SYNE2: variants seen among roughly 807,000 people sequenced by gnomAD.
SYNE2 encodes spectrin repeat containing nuclear envelope protein 2, also known as nesprin-2.
A neutral mutation model predicts 856.3 loss-of-function variants in SYNE2; 431 were observed. The ratio of observed to expected loss-of-function variants is 0.50; its 90% CI spans 0.47 to 0.55. The LOEUF is 0.55. SYNE2 is among the 20% of genes least tolerant of loss of function. The pLI is 0.00. For missense variants in SYNE2, 8,129 were observed against 8,023.2 expected (o/e 1.01, Z -0.50); for synonymous variants, 2,923 against 2,872.3 (o/e 1.02, Z -0.56).
chr14:64,053,642 C>T lies in SYNE2; in HGVS notation c.9729C>T (p.Ser3243=). 6.2e-7 allele frequency: 1 copy of T among 1,613,464 alleles called. No homozygotes were observed. Among genetic ancestry groups the T allele is most frequent in the Non-Finnish European group, 8.5e-7 (1 of 1,179,594 alleles). Reference sequence around the variant, plus strand: ...ATCTTCAGATGCAGCTTAACACAAGCATTGATTTGCGCACAGTAAGTTTTA... The same window carrying T: ...ATCTTCAGATGCAGCTTAACACAAGTATTGATTTGCGCACAGTAAGTTTTA... The part of the protein sequence containing the change: ...FEDLQMQLNT[S]IDLRTNVLND... Residue 3243 remains serine, a synonymous_variant, in exon 48 of 116, where the codon AGC becomes AGT. Transcript: ENST00000555002.
chr14:63,858,423 ATT>A (rs984256364), intron 1 of SYNE2, among the ~76,000 whole-genome samples: 1 of 142,166 alleles, frequency 7.0e-6, no homozygotes, highest in Admixed American at 7.1e-5. Flanking sequence ...CACCCAGCCT[ATT>A]TTTTTTTTTG....
chr14:64,031,654 G>A (rs1594987803), intron 45 of SYNE2, among the ~76,000 whole-genome samples: 1 of 152,080 alleles, frequency 6.6e-6, no homozygotes, highest in East Asian at 1.9e-4. Context: ...AATTAGAAAA[G>A]GCGAAAGAAA....
intron 78 of SYNE2, among the ~76,000 whole-genome samples, chr14:64,135,425 T>C (rs1317891590): frequency 6.6e-6 from 1 of 152,142 alleles, no homozygotes; most frequent in African/African-American, 2.4e-5. Flanking sequence ...AAAGCTACAG[T>C]TGGTCTCATT....
At chr14:63,844,329 T>C (rs894193119) in intron 1 of SYNE2, among the ~76,000 whole-genome samples, 5 of 152,222 alleles carry the variant, frequency 3.3e-5, no homozygotes, top group African/African-American at 1.2e-4. Flanking sequence ...GTTTCTTCCT[T>C]GTCTTTTCAT....
chr14:63,891,078 G>A (rs911652471), intron 1 of SYNE2, among the ~76,000 whole-genome samples: 22 of 152,060 alleles, frequency 1.4e-4, no homozygotes, highest in African/African-American at 5.1e-4. Context: ...TTTATCTCAC[G>A]CCCTCATGTT....
At position 64,225,135 on chromosome 14, in the gene SYNE2, C is replaced by T. The variant is rs12434245; in HGVS notation, c.20516+90C>T. On this transcript the variant is annotated intron_variant, in intron 115 of 115. Transcript: ENST00000555002. ...GCCAATGCCACTATCAAGGTCCTTGCAAAAATCTGGTTTTCTTTTGTCTGG... is the reference window on the plus strand; with the variant it reads ...GCCAATGCCACTATCAAGGTCCTTGTAAAAATCTGGTTTTCTTTTGTCTGG... The T allele has an allele frequency of 0.074, 115,412 of 1,564,992 alleles. 4,934 individuals carry two copies. Among genetic ancestry groups the T allele is most frequent in the Non-Finnish European group, 0.084 (95,365 of 1,140,584 alleles).
At chr14:63,989,314 C>T (rs1265243252) in intron 19 of SYNE2, among the ~76,000 whole-genome samples, 1 of 152,088 alleles carries the variant, frequency 6.6e-6, no homozygotes, top group Non-Finnish European at 1.5e-5. Context: ...CCCTCTGCAG[C>T]GAGATAGCAG....
chr14:63,776,748 C>T (rs1595099564), intron 1 of SYNE2, among the ~76,000 whole-genome samples: 2 of 151,868 alleles, frequency 1.3e-5, no homozygotes, highest in East Asian at 1.9e-4. Context: ...TACAAGTGTG[C>T]GCCACCACCA....
intron 30 of SYNE2, among the ~76,000 whole-genome samples, chr14:64,005,802 G>A (rs1265787152): frequency 6.6e-6 from 1 of 152,160 alleles, no homozygotes; most frequent in African/African-American, 2.4e-5. Flanking sequence ...AAAGCTATGA[G>A]ACTGGATGAA....
At chr14:63,983,979 T>A in intron 18 of SYNE2, 93 bp downstream of exon 18, 1 of 930,026 alleles carries the variant, frequency 1.1e-6, no homozygotes, top group South Asian at 1.6e-5. Flanking sequence ...CGGTGGCTCA[T>A]GCCTGTAATC....
intron 35 of SYNE2, among the ~76,000 whole-genome samples, chr14:64,020,716 G>C (rs777152635): frequency 6.6e-6 from 1 of 152,190 alleles, no homozygotes; most frequent in Non-Finnish European, 1.5e-5. Flanking sequence ...TTATTTGCTA[G>C]ATGGAGAAAG....
intron 97 of SYNE2, among the ~76,000 whole-genome samples, chr14:64,187,508 A>C (rs2098498173): frequency 6.6e-6 from 1 of 152,228 alleles, no homozygotes; most frequent in African/African-American, 2.4e-5. Flanking sequence ...AATGTGCAAA[A>C]TGCCAGGATT....
In SYNE2 at chr14:64,225,026, G is replaced by A. The variant is rs58154675; in HGVS notation, c.20497G>A (p.Glu6833Lys). 1,131 of 1,613,742 alleles carry A rather than the reference G, an allele frequency of 7.0e-4. 9 individuals carry two copies. In the East Asian group the frequency reaches 0.021, roughly 31 times the overall value. The change falls in exon 115 of 116, where the codon GAG becomes AAG. Residue 6833 changes from glutamate (E) to lysine (K), a missense_variant. This residue lies in a region of SYNE2 where 5,410 missense variants were observed against 5,284.8 expected (regional missense o/e 1.02). Coordinates refer to ENST00000555002, the MANE Select transcript of SYNE2 (RefSeq NM_182914.3). ...CAGAGCAGTGAGAACTACAGAAGGCGAGGAGGAGACAGAGAGCAGGTAACG... is the reference window on the plus strand; with the variant it reads ...CAGAGCAGTGAGAACTACAGAAGGCAAGGAGGAGACAGAGAGCAGGTAACG... ...KFRAVRTTEG[E>K]EETESRVPGS...
chr14:63,874,658 C>G (rs2094673935), intron 1 of SYNE2, among the ~76,000 whole-genome samples: 1 of 151,820 alleles, frequency 6.6e-6, no homozygotes, highest in Admixed American at 6.6e-5. Context: ...GCCATAACTG[C>G]TTTTTTTTAA....
At position 64,212,033 on chromosome 14, in the gene SYNE2, C is replaced by T. The variant is rs765976678; in HGVS notation, c.18796C>T (p.Leu6266=). ...TCTGGTGTGGCTCACAGAGATGGAC[C>T]TGCAGCTGACCAACGTGGAGCACTT... The part of the protein sequence containing the change: ...SILVWLTEMD[L]QLTNVEHFSE... Residue 6266 remains leucine, a synonymous_variant, in exon 104 of 116, where the codon CTG becomes TTG. Coordinates refer to ENST00000555002, the MANE Select transcript of SYNE2 (RefSeq NM_182914.3). The T allele has an allele frequency of 3.7e-6, 6 of 1,614,202 alleles. No individual in the cohort carries two copies. Among genetic ancestry groups the T allele is most frequent in the Non-Finnish European group, 4.2e-6 (5 of 1,180,040 alleles).
chr14:63,929,634 G>C (rs983766619), intron 2 of SYNE2, among the ~76,000 whole-genome samples: 1 of 152,066 alleles, frequency 6.6e-6, no homozygotes, highest in African/African-American at 2.4e-5. Flanking sequence ...AGCTGGGCGT[G>C]GGGGTGGGCG....
intron 11 of SYNE2, among the ~76,000 whole-genome samples, chr14:63,974,770 ATATATATATGTGTG>A (rs2096517736): frequency 8.2e-6 from 1 of 121,946 alleles, no homozygotes; most frequent in Non-Finnish European, 1.7e-5. Context: ...GTGTGTGTGT[ATATATATATGTGTG>A]TATATATATG....
intron 92 of SYNE2, 86 bp downstream of exon 92, chr14:64,167,725 G>A: frequency 6.4e-7 from 1 of 1,567,684 alleles, no homozygotes. Context: ...CACAGGGAGT[G>A]TACCTATCAG....
intron 1 of SYNE2, among the ~76,000 whole-genome samples, chr14:63,894,889 C>T (rs1323848539): frequency 1.3e-5 from 2 of 152,100 alleles, no homozygotes; most frequent in Admixed American, 6.5e-5. Context: ...TGGTGATACA[C>T]GTTTAGTTCA....
Sources: gnomAD v4.1 joint callset for allele counts (sites outside exome capture counted in the v4.1 genomes callset) on GRCh38, gnomAD v4.1.1 for gene constraint, gnomAD v4.1.1 regional missense constraint, MANE v1.5 for transcripts, NCBI Gene and HGNC (gene_info 2026-07-23, HGNC 2026-07-21) for gene names.